The following PCDH15 variants were observed in gnomAD, a reference collection of about 807,000 sequenced individuals.
PCDH15 encodes protocadherin-15.
Under a neutral mutation model 178.5 loss-of-function variants are expected in PCDH15, and 129 were observed. The observed-to-expected ratio is 0.72, with a 90% confidence interval of 0.63 to 0.84. The LOEUF is 0.84. Ranked by LOEUF, PCDH15 falls within the 40% of genes least tolerant of loss-of-function variation. PCDH15 has a pLI of 0.00. For synonymous variants in PCDH15, 800 were observed against 732.0 expected (o/e 1.09, Z -1.50); for missense variants, 2,230 against 2,099.9 (o/e 1.06, Z -1.21).
At chr10:55,070,921 C>A (rs1245388293) in intron 2 of PCDH15, among the ~76,000 whole-genome samples, 6 of 152,086 alleles carry the variant, frequency 3.9e-5, no homozygotes, top group African/African-American at 1.2e-4. Context: ...ATGGAATGTT[C>A]TTCCATTTCT....
intron 15 of PCDH15, among the ~76,000 whole-genome samples, chr10:54,102,976 G>T (rs1440333854): frequency 6.6e-6 from 1 of 152,178 alleles, no homozygotes; most frequent in Non-Finnish European, 1.5e-5. Context: ...TTTCCCCAGT[G>T]CACAGTGACC....
intron 37 of PCDH15, chr10:53,808,561 C>A: frequency 6.9e-7 from 1 of 1,447,216 alleles, no homozygotes; most frequent in Non-Finnish European, 9.1e-7. Context: ...TTCTGGCATG[C>A]TTCTGATCAT....
At chr10:54,062,394 A>C (rs1277508259) in intron 18 of PCDH15, among the ~76,000 whole-genome samples, 1 of 152,042 alleles carries the variant, frequency 6.6e-6, no homozygotes, top group Non-Finnish European at 1.5e-5. Context: ...CTTGGTTTTA[A>C]GTCTTAATAG....
At chr10:53,845,108 A>G (rs1325475811) in intron 28 of PCDH15, among the ~76,000 whole-genome samples, 5 of 152,090 alleles carry the variant, frequency 3.3e-5, no homozygotes, top group East Asian at 1.9e-4. Context: ...GTCAATAGGC[A>G]TATGAAAAAA....
intron 2 of PCDH15, among the ~76,000 whole-genome samples, chr10:55,372,387 T>C (rs1351565729): frequency 6.6e-6 from 1 of 152,152 alleles, no homozygotes. Flanking sequence ...CACTCTTTTG[T>C]AGAAAATATT....
intron 3 of PCDH15, among the ~76,000 whole-genome samples, chr10:54,874,765 T>C (rs2131799173): frequency 6.6e-6 from 1 of 152,308 alleles, no homozygotes; most frequent in South Asian, 2.1e-4. Flanking sequence ...ATCTTAAATT[T>C]TAAATGTATT....
intron 18 of PCDH15, among the ~76,000 whole-genome samples, chr10:54,025,778 T>A (rs1025030853): frequency 3.9e-5 from 6 of 152,158 alleles, no homozygotes; most frequent in Admixed American, 1.3e-4. Context: ...ATTACAGGCG[T>A]GAGCCACTGC....
rs533079353 is a variant in PCDH15, at chr10:55,026,789, T to C, written c.-79-129289A>G. 5.2e-4 allele frequency among the ~76,000 whole-genome samples: 79 copies of C among 152,036 alleles called. 1 individual carries two copies. Among genetic ancestry groups the C allele is most frequent in the African/African-American group, 1.9e-3 (78 of 41,542 alleles). Reference sequence around the variant, plus strand: ...GACAGATGGCATAGTCAGTTTTCATTTTCAGGTATCAAAATAATAGCCAGT... The same window carrying C: ...GACAGATGGCATAGTCAGTTTTCATCTTCAGGTATCAAAATAATAGCCAGT... On this transcript the variant is annotated intron_variant, in intron 2 of 5. Transcript: ENST00000458638.
chr10:53,939,009 A>G, intron 24 of PCDH15, 54 bp from the exon 25 acceptor site: 1 of 1,563,166 alleles, frequency 6.4e-7, no homozygotes, highest in Non-Finnish European at 8.8e-7. Context: ...TAAGGAAAGA[A>G]ATTCTCTTTA....
intron 5 of PCDH15, among the ~76,000 whole-genome samples, chr10:54,352,017 T>G (rs1944262940): frequency 6.6e-6 from 1 of 152,222 alleles, no homozygotes; most frequent in Admixed American, 6.5e-5. Context: ...CATAATATTG[T>G]GTTGTACATA....
At chr10:53,854,054 T>A (rs1204358533) in intron 28 of PCDH15, among the ~76,000 whole-genome samples, 1 of 152,048 alleles carries the variant, frequency 6.6e-6, no homozygotes, top group African/African-American at 2.4e-5. Flanking sequence ...ATGTGGTATG[T>A]ATTGAGAACT....
intron 2 of PCDH15, among the ~76,000 whole-genome samples, chr10:54,644,553 A>G (rs970052609): frequency 2.0e-5 from 3 of 152,038 alleles, no homozygotes; most frequent in Non-Finnish European, 4.4e-5. Flanking sequence ...TTCTGTTTTC[A>G]AAGTACTTTA....
At chr10:54,460,244 G>A (rs185477415) in intron 3 of PCDH15, among the ~76,000 whole-genome samples, 12 of 151,984 alleles carry the variant, frequency 7.9e-5, no homozygotes, top group Non-Finnish European at 1.2e-4. Context: ...ACTGAATACC[G>A]GCTATGTGCC....
chr10:55,221,525 C>T lies in PCDH15; in HGVS notation c.-155-54874G>A, dbSNP rs976908034. 3.3e-5 allele frequency among the ~76,000 whole-genome samples: 5 copies of T among 152,048 alleles called. No individual in the cohort carries two copies. The South Asian group carries it at 8.3e-4, about 25-fold the overall frequency. ...TAGACAAATAGAATCGTGTCGCTAC[C>T]TGTTCATGTTTGTCCCAGTAAATTT... On this transcript the variant is annotated intron_variant, in intron 1 of 5. Transcript: ENST00000458638.
intron 23 of PCDH15, among the ~76,000 whole-genome samples, chr10:53,957,716 C>T (rs542405411): frequency 7.9e-5 from 12 of 151,942 alleles, no homozygotes; most frequent in African/African-American, 2.7e-4. Context: ...CGGTTGACCT[C>T]GGGCAACAAA....
chr10:54,363,366 T>A (rs551573474), intron 5 of PCDH15, among the ~76,000 whole-genome samples: 1 of 152,162 alleles, frequency 6.6e-6, no homozygotes, highest in Non-Finnish European at 1.5e-5. Flanking sequence ...AAATTTATTA[T>A]GTGTCTTCAT....
chr10:54,459,828 G>A (rs1370560807), intron 3 of PCDH15, among the ~76,000 whole-genome samples: 2 of 152,012 alleles, frequency 1.3e-5, no homozygotes, highest in East Asian at 1.9e-4. Flanking sequence ...CTATTTCACT[G>A]GTCTCTTCCA....
At chr10:54,905,068 C>A (rs1326452699) in intron 2 of PCDH15, among the ~76,000 whole-genome samples, 1 of 151,810 alleles carries the variant, frequency 6.6e-6, no homozygotes, top group Admixed American at 6.6e-5. Context: ...ATAAGAAAAC[C>A]AATGTTCAGA....
chr10:53,838,267 G>A (rs2077430590), intron 29 of PCDH15, among the ~76,000 whole-genome samples: 1 of 151,950 alleles, frequency 6.6e-6, no homozygotes, highest in Non-Finnish European at 1.5e-5. Context: ...GAGCTACCGC[G>A]CCCGGCCAAA....
Sources: allele counts gnomAD v4.1 joint callset (sites outside exome capture counted in the v4.1 genomes callset), GRCh38; gene constraint gnomAD v4.1.1; transcripts MANE v1.5; gene names NCBI Gene and HGNC (gene_info 2026-07-23, HGNC 2026-07-21).